Variants in COX7B2 observed in about 807,000 individuals in gnomAD.
COX7B2 encodes the protein cytochrome c oxidase subunit 7B2, mitochondrial.
For synonymous variants in COX7B2, 37 were observed against 32.1 expected (o/e 1.15, Z -0.51); for missense variants, 109 against 95.9 (o/e 1.14, Z -0.57).
At chr4:46,742,880 T>C (rs1714799426) in intron 2 of COX7B2, among the ~76,000 whole-genome samples, 1 of 152,192 alleles carries the variant, frequency 6.6e-6, no homozygotes, top group African/African-American at 2.4e-5. Context: ...ATATGGAGTG[T>C]TGAAAGTATT....
intron 1 of COX7B2, among the ~76,000 whole-genome samples, chr4:46,859,022 G>A (rs939089252): frequency 6.6e-5 from 10 of 152,166 alleles, no homozygotes; most frequent in Non-Finnish European, 1.3e-4. Context: ...GTCAACTTAC[G>A]ATGTAAAAAA....
chr4:46,763,070 A>C (rs1294616583), intron 2 of COX7B2, among the ~76,000 whole-genome samples: 1 of 133,696 alleles, frequency 7.5e-6, no homozygotes, highest in Non-Finnish European at 1.6e-5. Context: ...TATATATTAT[A>C]TAATATATAT....
chr4:46,888,103 T>C (rs1719190828), intron 1 of COX7B2, among the ~76,000 whole-genome samples: 1 of 152,158 alleles, frequency 6.6e-6, no homozygotes, highest in Admixed American at 6.5e-5. Context: ...ATAACTCGCA[T>C]GGTGTGTACT....
chr4:46,830,632 T>C (rs939325792), intron 2 of COX7B2, among the ~76,000 whole-genome samples: 4 of 152,184 alleles, frequency 2.6e-5, no homozygotes. Flanking sequence ...TTGTATTGGT[T>C]GAGGCAATGC....
intron 2 of COX7B2, among the ~76,000 whole-genome samples, chr4:46,790,366 C>A (rs1156438415): frequency 6.6e-6 from 1 of 152,156 alleles, no homozygotes; most frequent in Non-Finnish European, 1.5e-5. Flanking sequence ...ACTCCTGAAT[C>A]TTTTATTCAC....
chr4:46,901,364 G>T (rs933169814), intron 1 of COX7B2, among the ~76,000 whole-genome samples: 8 of 152,134 alleles, frequency 5.3e-5, no homozygotes, highest in Admixed American at 4.6e-4. Flanking sequence ...CTTATCATAG[G>T]CTTCCCACTC....
chr4:46,795,503 T>G (rs1425159282), intron 2 of COX7B2, among the ~76,000 whole-genome samples: 1 of 143,402 alleles, frequency 7.0e-6, no homozygotes, highest in Non-Finnish European at 1.5e-5. Context: ...AAAGATCAGA[T>G]AGTTGTAGAT....
chr4:46,818,898 C>T (rs1429102192), intron 2 of COX7B2, among the ~76,000 whole-genome samples: 1 of 152,202 alleles, frequency 6.6e-6, no homozygotes, highest in Admixed American at 6.5e-5. Context: ...ACTTATTTGG[C>T]TGTTTTCCCC....
Position 46,734,996 on chromosome 4 carries a change from T to C in COX7B2, c.197A>G (p.Asn66Ser). 1 of 1,614,000 alleles carries C rather than the reference T, an allele frequency of 6.2e-7. No homozygotes were observed. The highest frequency in any genetic ancestry group is 2.2e-5 in the East Asian group (1 of 44,870). Reference sequence around the variant, plus strand: ...GGTAACTCTGCCAACAGGGGATAGGTTCCATTCTATTCCAATCTGAGTGGC... The same window carrying C: ...GGTAACTCTGCCAACAGGGGATAGGCTCCATTCTATTCCAATCTGAGTGGC... The part of the protein sequence containing the change: ...FTATQIGIEW[N>S]LSPVGRVTPK... The change falls in exon 3 of 3, where the codon AAC (asparagine) becomes AGC (serine). Residue 66 changes from asparagine to serine, a missense_variant. Coordinates refer to ENST00000355591, the MANE Select transcript of COX7B2 (RefSeq NM_130902.3).
chr4:46,828,182 C>G (rs781502438), intron 2 of COX7B2, among the ~76,000 whole-genome samples: 1 of 151,704 alleles, frequency 6.6e-6, no homozygotes, highest in Non-Finnish European at 1.5e-5. Context: ...ATGTAAAGTT[C>G]AAAGAAAGAT....
chr4:46,802,102 C>T (rs576878058), intron 2 of COX7B2, among the ~76,000 whole-genome samples: 2 of 152,122 alleles, frequency 1.3e-5, no homozygotes, highest in African/African-American at 4.8e-5. Flanking sequence ...GAAATCTCTG[C>T]AATGGGATTT....
chr4:46,856,034 A>G lies in COX7B2; in HGVS notation c.-104-11020T>C, dbSNP rs751358419. Among the ~76,000 whole-genome samples the G allele has an allele frequency of 9.5e-4, 145 of 152,062 alleles. 1 individual carries two copies. The highest frequency in any genetic ancestry group is 3.2e-3 in the Middle Eastern group (1 of 314). On this transcript the variant is annotated intron_variant, in intron 1 of 2. Transcript: ENST00000355591. ...CAAGGCGGGTTTATCACTTGAGGTC[A>G]GGAGTTCGAGATCAGCTTTGCCAAC... is the stretch of plus-strand genomic sequence containing the variant.
intron 2 of COX7B2, among the ~76,000 whole-genome samples, chr4:46,779,964 A>G (rs1156852133): frequency 2.0e-5 from 3 of 152,310 alleles, no homozygotes; most frequent in Middle Eastern, 3.4e-3. Context: ...TTAAGAGTAG[A>G]TTTTAGATAA....
chr4:46,832,115 C>G (rs892398016), intron 2 of COX7B2, among the ~76,000 whole-genome samples: 1 of 150,318 alleles, frequency 6.7e-6, no homozygotes, highest in Admixed American at 6.6e-5. Context: ...TGGCAACCTG[C>G]TCGGGTCCCC....
intron 1 of COX7B2, among the ~76,000 whole-genome samples, chr4:46,881,380 T>A (rs1718730111): frequency 6.6e-6 from 1 of 152,174 alleles, no homozygotes; most frequent in African/African-American, 2.4e-5. Context: ...ACACAAATGG[T>A]TACATTCTTT....
intron 1 of COX7B2, among the ~76,000 whole-genome samples, chr4:46,898,151 A>G (rs935174303): frequency 2.0e-5 from 3 of 152,172 alleles, no homozygotes; most frequent in African/African-American, 4.8e-5. Flanking sequence ...TCTCCTGGAT[A>G]TAGTCATTGG....
intron 2 of COX7B2, among the ~76,000 whole-genome samples, chr4:46,807,378 G>T (rs141463580): frequency 6.6e-6 from 1 of 151,850 alleles, no homozygotes; most frequent in South Asian, 2.1e-4. Context: ...CCACTACTGA[G>T]TGATATCAGT....
At chr4:46,795,081 T>C (rs1718254407) in intron 2 of COX7B2, among the ~76,000 whole-genome samples, 1 of 138,402 alleles carries the variant, frequency 7.2e-6, no homozygotes, top group Admixed American at 7.0e-5. Flanking sequence ...TTGAGTTCAT[T>C]GTAGATTCTG....
chr4:46,881,390 T>C (rs1175109430), intron 1 of COX7B2, among the ~76,000 whole-genome samples: 1 of 152,166 alleles, frequency 6.6e-6, no homozygotes, highest in Non-Finnish European at 1.5e-5. Context: ...TTACATTCTT[T>C]TGAGTTTCTG....
Sources: allele counts gnomAD v4.1 joint callset (sites outside exome capture counted in the v4.1 genomes callset), GRCh38; gene constraint gnomAD v4.1.1; transcripts MANE v1.5; gene names NCBI Gene and HGNC (gene_info 2026-07-23, HGNC 2026-07-21).